ECPAS: variants seen among roughly 807,000 people sequenced by gnomAD.
ECPAS encodes Ecm29 proteasome adaptor and scaffold.
ECPAS carries 70 observed loss-of-function variants against 255.1 expected under a neutral mutation model. That is an observed-to-expected ratio of 0.27 (90% confidence interval 0.23 to 0.33). The LOEUF (loss-of-function observed/expected upper bound fraction) is 0.33. Ranked by LOEUF, ECPAS falls within the 10% of genes least tolerant of loss-of-function variation. The pLI is 1.00. For synonymous variants in ECPAS, 784 were observed against 775.0 expected (o/e 1.01, Z -0.19); for missense variants, 1,817 against 2,206.4 (o/e 0.82, Z 3.54).
intron 1 of ECPAS, among the ~76,000 whole-genome samples, chr9:111,473,581 G>C (rs1039285108): frequency 6.6e-6 from 1 of 152,060 alleles, no homozygotes; most frequent in Non-Finnish European, 1.5e-5. Context: ...TCTACCATGG[G>C]AATCATTCCC....
At chr9:111,415,328 G>A (rs1040925496) in intron 18 of ECPAS, among the ~76,000 whole-genome samples, 12 of 151,966 alleles carry the variant, frequency 7.9e-5, no homozygotes, top group Admixed American at 7.2e-4. Flanking sequence ...AATTCCAGTT[G>A]TGTTTACTCC....
intron 36 of ECPAS, among the ~76,000 whole-genome samples, chr9:111,378,197 G>A (rs559484242): frequency 7.2e-5 from 11 of 152,092 alleles, no homozygotes; most frequent in Non-Finnish European, 1.5e-4. Context: ...TCAGAGACCA[G>A]GTGACTCCAT....
chr9:111,391,255 C>CA, intron 29 of ECPAS, among the ~76,000 whole-genome samples: 1 of 152,166 alleles, frequency 6.6e-6, no homozygotes, highest in East Asian at 1.9e-4. Context: ...AAATCTAACT[C>CA]AGAGTTTGTT....
chr9:111,480,615 G>T (rs2098303374), intron 1 of ECPAS, among the ~76,000 whole-genome samples: 1 of 151,996 alleles, frequency 6.6e-6, no homozygotes, highest in South Asian at 2.1e-4. Context: ...CATTTTATCA[G>T]CATCTGCTAT....
rs2098133466 is a variant in ECPAS, at chr9:111,376,471, C to T, written c.4020+5G>A. 2 of 1,585,048 alleles carry T rather than the reference C, an allele frequency of 1.3e-6. No individual in the cohort carries two copies. The highest frequency in any genetic ancestry group is 1.7e-6 in the Non-Finnish European group (2 of 1,163,438). On this transcript the variant is annotated splice_donor_5th_base_variant and intron_variant, in intron 37 of 49. Transcript: ENST00000684092. ...AACCCTCTCATTATTATTTAAGACA[C>T]TCACCATGTTGATTGTTTCCATCAT...
chr9:111,483,558 G>A, intron 1 of ECPAS: 4 of 938,544 alleles, frequency 4.3e-6, no homozygotes, highest in Non-Finnish European at 5.1e-6. Context: ...CGCCGGGGAG[G>A]GAACGAGGGA....
intron 31 of ECPAS, among the ~76,000 whole-genome samples, chr9:111,387,226 G>C (rs1195830938): frequency 1.3e-5 from 2 of 151,816 alleles, no homozygotes; most frequent in Non-Finnish European, 2.9e-5. Context: ...AGTTACTGAG[G>C]GACAGAGTCT....
intron 36 of ECPAS, 23 bp downstream of exon 36, chr9:111,378,557 A>C (rs1427277930): frequency 6.2e-7 from 1 of 1,602,134 alleles, no homozygotes; most frequent in Non-Finnish European, 8.5e-7. Context: ...ATACTTACCA[A>C]TATGCCTGCG....
chr9:111,419,286 C>T (rs1279329103), intron 16 of ECPAS, among the ~76,000 whole-genome samples: 2 of 152,064 alleles, frequency 1.3e-5, no homozygotes, highest in Non-Finnish European at 1.5e-5. Context: ...AAAACATATA[C>T]AAGAATCTCA....
intron 4 of ECPAS, 149 bp from the exon 5 acceptor site, chr9:111,442,573 C>T: frequency 1.7e-6 from 1 of 599,708 alleles, no homozygotes; most frequent in Non-Finnish European, 2.9e-6. Context: ...TGCACCTTTA[C>T]CAACTACTGT....
At position 111,396,916 on chromosome 9, in the gene ECPAS, T is replaced by C. The variant is rs2098168427; in HGVS notation, c.2776+114A>G. On this transcript the variant is annotated intron_variant, in intron 25 of 49. Transcript: ENST00000684092. ...CTGAATGAAATTGGTAAAACAGATA[T>C]AAATATTTGAAAACAGTAATATGGA... The C allele has an allele frequency of 8.2e-6, 11 of 1,349,612 alleles. No homozygotes were observed. The South Asian group carries it at 1.1e-4, about 14-fold the overall frequency. 83.6% of individuals were successfully genotyped at this position (1,349,612 alleles called of 1,614,324 possible).
chr9:111,455,692 C>T (rs1489360313), intron 2 of ECPAS, among the ~76,000 whole-genome samples: 1 of 152,140 alleles, frequency 6.6e-6, no homozygotes, highest in Non-Finnish European at 1.5e-5. Flanking sequence ...GAAGAAGGTA[C>T]CAACATGACC....
chr9:111,376,357 C>T (rs2098133354), intron 37 of ECPAS, 119 bp downstream of exon 37: 7 of 750,892 alleles, frequency 9.3e-6, no homozygotes, highest in Non-Finnish European at 1.6e-5. Context: ...ACTGGAGTCA[C>T]AACAGCTGCT....
At chr9:111,403,291 T>C (rs1589150134) in intron 24 of ECPAS, among the ~76,000 whole-genome samples, 1 of 148,784 alleles carries the variant, frequency 6.7e-6, no homozygotes, top group Non-Finnish European at 1.5e-5. Flanking sequence ...ACCCAGGAGG[T>C]GGAGGCTGCA....
chr9:111,476,603 T>TA (rs2098296601), intron 1 of ECPAS, among the ~76,000 whole-genome samples: 2 of 138,326 alleles, frequency 1.4e-5, no homozygotes, highest in African/African-American at 2.8e-5. Flanking sequence ...TTTTTTGAGA[T>TA]GGAGTTTCAC....
chr9:111,364,367 A>C (rs1174436048), intron 48 of ECPAS, among the ~76,000 whole-genome samples: 1 of 152,214 alleles, frequency 6.6e-6, no homozygotes, highest in East Asian at 1.9e-4. Flanking sequence ...TCCACTGGCC[A>C]AATCTGGGAC....
intron 1 of ECPAS, among the ~76,000 whole-genome samples, chr9:111,477,763 C>T (rs1024694506): frequency 6.6e-6 from 1 of 152,058 alleles, no homozygotes. Flanking sequence ...TTAGAACACA[C>T]GGTAAACACA....
Position 111,472,925 on chromosome 9 carries a change from T to C in ECPAS, c.-7A>G. 1 of 1,248,772 alleles carries C rather than the reference T, an allele frequency of 8.0e-7. No individual in the cohort carries two copies. The highest frequency in any genetic ancestry group is 1.0e-6 in the Non-Finnish European group (1 of 966,446). 77.4% of individuals were successfully genotyped at this position (1,248,772 alleles called of 1,614,324 possible). A position where few individuals can be genotyped will look rare whatever the true frequency, so the allele number is the denominator to read the frequency against. On this transcript the variant is annotated 5_prime_UTR_variant, in exon 2 of 50. Transcript: ENST00000684092. ...TACAATCAATGTGATACATGGTTTA[T>C]CCAATCTTGACAAAAATCCTCGGGA...
intron 1 of ECPAS, among the ~76,000 whole-genome samples, chr9:111,474,556 C>T (rs1034932148): frequency 6.6e-6 from 1 of 152,122 alleles, no homozygotes; most frequent in Non-Finnish European, 1.5e-5. Context: ...CCACCTGTTA[C>T]CCGTACAAAA....
Sources: allele counts gnomAD v4.1 joint callset (sites outside exome capture counted in the v4.1 genomes callset), GRCh38; gene constraint gnomAD v4.1.1; transcripts MANE v1.5; gene names NCBI Gene and HGNC (gene_info 2026-07-23, HGNC 2026-07-21).